The following FBXO32 variants were observed in gnomAD, a reference collection of about 807,000 sequenced individuals.
The protein encoded by FBXO32 is F-box only protein 32.
Under a neutral mutation model 48.3 loss-of-function variants are expected in FBXO32, and 15 were observed. The ratio of observed to expected loss-of-function variants is 0.31; its 90% CI spans 0.21 to 0.48. FBXO32 has a LOEUF of 0.48. Ranked by LOEUF, FBXO32 falls within the 20% of genes least tolerant of loss-of-function variation. The pLI is 0.99. For synonymous variants in FBXO32, 154 were observed against 165.9 expected, an observed-to-expected ratio of 0.93 and a Z score of 0.55; for missense variants, 309 against 432.7, an observed-to-expected ratio of 0.71 and a Z score of 2.54.
chr8:123,521,774 A>T (rs1268035433), intron 4 of FBXO32, among the ~76,000 whole-genome samples: 1 of 152,170 alleles, frequency 6.6e-6, no homozygotes, highest in Admixed American at 6.5e-5. Flanking sequence ...GAGTTATCAA[A>T]GGCAGAAACG....
In FBXO32 at chr8:123,500,177, C is replaced by T. The variant is rs1816452525; in HGVS notation, c.*3196G>A. On this transcript the variant is annotated 3_prime_UTR_variant, in exon 9 of 9. Transcript: ENST00000517956. The stretch of plus-strand genomic sequence containing the variant: ...TGGATCTTGCTCTAGTGTGAGCACT[C>T]CTGAACTTCACATATTCTCCTTGTC... 2 of 151,948 alleles carry T rather than the reference C, an allele frequency of 1.3e-5. No individual in the cohort carries two copies. Among genetic ancestry groups the T allele is most frequent in the Non-Finnish European group, 2.9e-5 (2 of 67,998 alleles). The allele number at this position is 151,948 out of a possible 1,614,324, so 9.4% of individuals were successfully genotyped here. A position where few individuals can be genotyped will look rare whatever the true frequency, so the allele number is the denominator to read the frequency against.
rs1006564439 is a variant in FBXO32, at chr8:123,506,148, G to A, written c.834+244C>T. Among the ~76,000 whole-genome samples the A allele has an allele frequency of 3.9e-5, 6 of 152,198 alleles. No homozygotes were observed. Among genetic ancestry groups the A allele is most frequent in the African/African-American group, 1.4e-4 (6 of 41,446 alleles). On this transcript the variant is annotated intron_variant, in intron 7 of 8. Coordinates refer to ENST00000517956, the MANE Select transcript of FBXO32 (RefSeq NM_058229.4). The surrounding 1 kb of genome is among the most constrained non-coding windows in gnomAD (Gnocchi z 4.0). ...GGAGGCTGAGGTGGGAGGGTTGCTT[G>A]AGCCCAAGTGGCTGAGGTTACAGTG...
intron 4 of FBXO32, among the ~76,000 whole-genome samples, chr8:123,515,775 C>T (rs1816827855): frequency 1.3e-5 from 2 of 151,968 alleles, no homozygotes; most frequent in South Asian, 2.1e-4. Context: ...AGGTAGATCA[C>T]GAGGTCAAGA....
intron 4 of FBXO32, among the ~76,000 whole-genome samples, chr8:123,521,953 T>G (rs1241821933): frequency 6.6e-6 from 1 of 152,092 alleles, no homozygotes; most frequent in Non-Finnish European, 1.5e-5. Flanking sequence ...ACTCAATGAA[T>G]AACACAGATA....
At chr8:123,520,482 G>A (rs1361380128) in intron 4 of FBXO32, among the ~76,000 whole-genome samples, 1 of 152,204 alleles carries the variant, frequency 6.6e-6, no homozygotes, top group African/African-American at 2.4e-5. Flanking sequence ...GTCACCGCAT[G>A]CTGAAACCAC....
At chr8:123,534,404 A>G (rs1461245147) in intron 2 of FBXO32, among the ~76,000 whole-genome samples, 2 of 152,228 alleles carry the variant, frequency 1.3e-5, no homozygotes, top group Non-Finnish European at 2.9e-5. Context: ...ACTGGAACTG[A>G]TTCAGCTGAC....
intron 4 of FBXO32, among the ~76,000 whole-genome samples, chr8:123,527,785 T>A (rs1034749334): frequency 6.6e-6 from 1 of 152,238 alleles, no homozygotes; most frequent in African/African-American, 2.4e-5. Context: ...CTCATAAAAA[T>A]GCTTCAATAC....
chr8:123,515,772 T>C (rs1003924539), intron 4 of FBXO32, among the ~76,000 whole-genome samples: 3 of 151,864 alleles, frequency 2.0e-5, no homozygotes, highest in Non-Finnish European at 4.4e-5. Context: ...GGCAGGTAGA[T>C]CACGAGGTCA....
chr8:123,529,747 C>T (rs1466686037), intron 4 of FBXO32, among the ~76,000 whole-genome samples: 2 of 152,082 alleles, frequency 1.3e-5, no homozygotes, highest in Non-Finnish European at 2.9e-5. Flanking sequence ...TAAAAGCACC[C>T]ATATTTTAAA....
rs9694707 is a variant in FBXO32 at position 123,521,012 on chromosome 8, C to G, written c.373-6679G>C. ...CCCATCCCTCAGGTCTCAGTTCAAA[C>G]GTGGCCTGCCCCGGGCTCAGAGGGC... On this transcript the variant is annotated intron_variant, in intron 4 of 8. Transcript: ENST00000517956. Among the ~76,000 whole-genome samples, 1,204 of 152,322 alleles carry G rather than the reference C, an allele frequency of 7.9e-3. 15 individuals carry two copies. The highest frequency in any genetic ancestry group is 0.028 in the African/African-American group (1,147 of 41,574).
At chr8:123,507,323 A>G (rs1816646685) in intron 6 of FBXO32, among the ~76,000 whole-genome samples, 2 of 152,200 alleles carry the variant, frequency 1.3e-5, no homozygotes, top group East Asian at 1.9e-4. Context: ...TACTGTGTCC[A>G]GGGTGTCTAC....
intron 6 of FBXO32, among the ~76,000 whole-genome samples, chr8:123,509,119 T>A (rs1189475621): frequency 6.6e-6 from 1 of 152,170 alleles, no homozygotes; most frequent in African/African-American, 2.4e-5. Context: ...TTTGTTTCCT[T>A]CATTCTTTAT....
At chr8:123,519,031 C>T (rs2130528550) in intron 4 of FBXO32, among the ~76,000 whole-genome samples, 1 of 152,208 alleles carries the variant, frequency 6.6e-6, no homozygotes, top group Middle Eastern at 3.4e-3. Context: ...TTCCTAGTTA[C>T]CCAGGCTGGC....
intron 4 of FBXO32, among the ~76,000 whole-genome samples, chr8:123,531,237 C>T (rs1471708253): frequency 6.6e-6 from 1 of 152,152 alleles, no homozygotes; most frequent in African/African-American, 2.4e-5. Flanking sequence ...CCGCTTTGGC[C>T]TCCCAAAGTG....
rs575250537 is a variant in FBXO32, at chr8:123,506,800, C to T, written c.652-226G>A. Among the ~76,000 whole-genome samples, 21 of 152,270 alleles carry T rather than the reference C, an allele frequency of 1.4e-4. No homozygotes were observed. The highest frequency in any genetic ancestry group is 1.2e-3 in the South Asian group (6 of 4,818). On this transcript the variant is annotated intron_variant, in intron 6 of 8. Transcript: ENST00000517956. The surrounding 1 kb of genome is among the most constrained non-coding windows in gnomAD (Gnocchi z 4.0). ...CTGAGCTGAGTGGTGCCAGAGGGAT[C>T]GCCCTACATTTCCAAAGCTTGAAAC...
intron 6 of FBXO32, among the ~76,000 whole-genome samples, chr8:123,510,464 T>C (rs1236592041): frequency 4.0e-5 from 6 of 151,880 alleles, no homozygotes; most frequent in African/African-American, 7.3e-5. Context: ...AATACAAAAA[T>C]TAGCCGGGTG....
Position 123,499,300 on chromosome 8 carries a change from A to G in FBXO32, c.*4073T>C, listed in dbSNP as rs1816429863. On this transcript the variant is annotated 3_prime_UTR_variant, in exon 9 of 9. Transcript: ENST00000517956. Reference sequence around the variant, plus strand: ...AGAAAACACTGAATTTAAACAAATTATGACCTTGTTTGTTGAAGCCATCAA... The same window carrying G: ...AGAAAACACTGAATTTAAACAAATTGTGACCTTGTTTGTTGAAGCCATCAA... The G allele has an allele frequency of 6.6e-6, 1 of 152,232 alleles. No individual in the cohort carries two copies. The highest frequency in any genetic ancestry group is 1.5e-5 in the Non-Finnish European group (1 of 68,040). 9.4% of individuals were successfully genotyped at this position (152,232 alleles called of 1,614,324 possible).
At chr8:123,531,014 C>T (rs1817195373) in intron 4 of FBXO32, among the ~76,000 whole-genome samples, 1 of 124,194 alleles carries the variant, frequency 8.1e-6, no homozygotes, top group African/African-American at 3.3e-5. Context: ...AGTCTCACTC[C>T]TGTTGCCCAG....
rs371377453 is a variant in FBXO32, at chr8:123,507,438, G to GGGGTGTGT, written c.652-865_652-864insACACACCC. On this transcript the variant is annotated intron_variant, in intron 6 of 8. Transcript: ENST00000517956. ...CAATAACACAGAGACTCTGTGCTAG[G>GGGGTGTGT]GTGTGTGTGTGTGTGTGTGTGTGTG... 1.8e-3 allele frequency among the ~76,000 whole-genome samples: 245 copies of GGGGTGTGT among 139,884 alleles called. 4 individuals carry two copies. Among genetic ancestry groups the GGGGTGTGT allele is most frequent in the African/African-American group, 5.1e-3 (191 of 37,610 alleles). 91.8% of individuals were successfully genotyped at this position (139,884 alleles called of 152,430 possible).
Sources: gnomAD v4.1 joint callset for allele counts (sites outside exome capture counted in the v4.1 genomes callset) on GRCh38, gnomAD v4.1.1 for gene constraint, Gnocchi (gnomAD v3.1) non-coding constraint, MANE v1.5 for transcripts, NCBI Gene and HGNC (gene_info 2026-07-23, HGNC 2026-07-21) for gene names.